Variants in ATP1A3 observed in about 807,000 individuals in gnomAD.
The protein encoded by ATP1A3 is sodium/potassium-transporting ATPase subunit alpha-3.
A neutral mutation model predicts 108.8 loss-of-function variants in ATP1A3; 12 were observed. That is an observed-to-expected ratio of 0.11 (90% CI 0.07 to 0.18). ATP1A3 has a LOEUF of 0.18. ATP1A3 is among the 10% of genes least tolerant of loss of function. The probability of loss-of-function intolerance (pLI) is 1.00; values close to 1 mark genes in which losing one functional copy is unlikely to be tolerated. For missense variants in ATP1A3, 498 were observed against 1,387.7 expected (o/e 0.36, Z 10.19); for synonymous variants, 539 against 564.5 (o/e 0.95, Z 0.64).
rs782701335 is a variant in ATP1A3 at position 41,975,741 on chromosome 19, C to G, written c.2151G>C (p.Lys717Asn). The G allele has an allele frequency of 6.2e-7, 1 of 1,614,092 alleles. No individual in the cohort carries two copies. Among genetic ancestry groups the G allele is most frequent in the Admixed American group, 1.7e-5 (1 of 60,016 alleles). Reference sequence around the variant, plus strand: ...TGCCCATGGCCACCCCAATGTCGGCCTTCTTCAGAGCGGGGGAGTCGTTCA... The same window carrying G: ...TGCCCATGGCCACCCCAATGTCGGCGTTCTTCAGAGCGGGGGAGTCGTTCA... ...DGVNDSPALKKADIGVAMGIA... is the reference protein window; with the variant it reads ...DGVNDSPALKNADIGVAMGIA... The change falls in exon 16 of 23, where the codon AAG becomes AAC. Residue 717 changes from lysine (K) to asparagine (N), a missense_variant. This residue lies in a region of ATP1A3 where 121 missense variants were observed against 425.1 expected (regional missense o/e 0.28). Transcript: ENST00000648268.
At chr19:41,993,572 C>T (rs2075360810) in intron 1 of ATP1A3, 6 of 1,229,652 alleles carry the variant, frequency 4.9e-6, no homozygotes, top group Admixed American at 2.3e-5. Context: ...CCCATCCAGG[C>T]CTGGAAGGAG....
In ATP1A3 at chr19:41,987,923, T is replaced by G; in HGVS notation, c.357+13A>C. The G allele has an allele frequency of 6.2e-7, 1 of 1,612,620 alleles. No homozygotes were observed. The highest frequency in any genetic ancestry group is 8.5e-7 in the Non-Finnish European group (1 of 1,179,902). ...GTGCAGAGCCTTGCACAGGGCAGGG[T>G]CCAGGCACTCACGTTGTCACCAGAG... On this transcript the variant is annotated intron_variant, in intron 4 of 22. Coordinates refer to ENST00000648268, the MANE Select transcript of ATP1A3 (RefSeq NM_152296.5).
At chr19:41,983,352 A>G (rs2075253819) in intron 8 of ATP1A3, among the ~76,000 whole-genome samples, 1 of 152,086 alleles carries the variant, frequency 6.6e-6, no homozygotes, top group South Asian at 2.1e-4. Flanking sequence ...TGCTGGGATT[A>G]CAGGCGTGAG....
Position 41,982,080 on chromosome 19 carries a change from G to T in ATP1A3, c.1020C>A (p.Arg340=), listed in dbSNP as rs1456279726. 8 of 1,614,088 alleles carry T rather than the reference G, an allele frequency of 5.0e-6. No homozygotes were observed. Among genetic ancestry groups the T allele is most frequent in the Admixed American group, 1.7e-5 (1 of 59,994 alleles). The change falls in exon 9 of 23, where the codon CGC becomes CGA. Residue 340 remains arginine, a synonymous_variant. Transcript: ENST00000648268. Reference sequence around the variant, plus strand: ...TCACCAGGCAGTTCTTCCGGGCCATGCGCTTGGCGGTCAGCGTCAGACACA... The same window carrying T: ...TCACCAGGCAGTTCTTCCGGGCCATTCGCTTGGCGGTCAGCGTCAGACACA... The part of the protein sequence containing the change: ...VTVCLTLTAK[R]MARKNCLVKN...
rs782409824 is a variant in ATP1A3, at chr19:41,978,163, G to A, written c.1794C>T (p.Ser598=). ...AVPDAVGKCR[S]AGIKVIMVTG... is the part of the protein sequence containing the mutation. ...CCCCAAGCCACACCTTGATGCCTGC[G>A]CTGCGACACTTGCCCACCGCGTCAG... is the stretch of plus-strand genomic sequence containing the variant. Residue 598 remains serine, a synonymous_variant, in exon 13 of 23, where the codon AGC becomes AGT. Coordinates refer to ENST00000648268, the MANE Select transcript of ATP1A3 (RefSeq NM_152296.5). The surrounding 1 kb of genome is among the most constrained non-coding windows in gnomAD (Gnocchi z 8.3). 2.4e-5 allele frequency: 39 copies of A among 1,614,076 alleles called. 1 individual carries two copies. Among genetic ancestry groups the A allele is most frequent in the Admixed American group, 8.3e-5 (5 of 60,008 alleles).
chr19:41,993,508 C>T (rs1387207196), intron 1 of ATP1A3: 3 of 215,252 alleles, frequency 1.4e-5, no homozygotes, highest in African/African-American at 7.8e-5. Context: ...CCTGCACACA[C>T]ACACACACAC....
rs4060828 is a variant in ATP1A3, at chr19:41,993,501, G to GCA, written c.6+568_6+569dup. 7.3e-3 allele frequency: 4,930 copies of GCA among 677,594 alleles called. 21 individuals carry two copies. Among genetic ancestry groups the GCA allele is most frequent in the African/African-American group, 0.011 (498 of 45,254 alleles). 42.0% of individuals were successfully genotyped at this position (677,594 alleles called of 1,614,324 possible). ...CCCAGGCTGCGACACTGCGGAGCCT[G>GCA]CACACACACACACACACACACACAC... is the stretch of plus-strand genomic sequence containing the variant. On this transcript the variant is annotated intron_variant, in intron 1 of 22. Coordinates refer to ENST00000648268, the MANE Select transcript of ATP1A3 (RefSeq NM_152296.5).
chr19:41,992,662 G>A (rs1247837212), intron 1 of ATP1A3, among the ~76,000 whole-genome samples: 1 of 151,552 alleles, frequency 6.6e-6, no homozygotes, highest in African/African-American at 2.4e-5. Flanking sequence ...CTCTCTCAAT[G>A]TCTCTCCATG....
chr19:41,985,793 G>A lies in ATP1A3; in HGVS notation c.606+71C>T. The A allele has an allele frequency of 6.3e-7, 1 of 1,597,188 alleles. No individual in the cohort carries two copies. The highest frequency in any genetic ancestry group is 2.2e-5 in the East Asian group (1 of 44,732). On this transcript the variant is annotated intron_variant, in intron 6 of 22. Transcript: ENST00000648268. The surrounding 1 kb of genome is among the most constrained non-coding windows in gnomAD (Gnocchi z 8.2). ...GGGACCTGGACTCCTGAGTGTGAGG[G>A]AGGAGGGGCTGGGCCTGAGCTCCTG... is the stretch of plus-strand genomic sequence containing the variant.
chr19:41,982,220 T>C (rs1450219317), intron 8 of ATP1A3, 114 bp from the exon 9 acceptor site: 1 of 1,557,920 alleles, frequency 6.4e-7, no homozygotes, highest in East Asian at 2.2e-5. Flanking sequence ...CCTGAGGGCC[T>C]GGAAAAGAAT....
rs539288330 is a variant in ATP1A3 at position 41,981,245 on chromosome 19, C to G, written c.1437+257G>C. The stretch of plus-strand genomic sequence containing the variant: ...AACTCCTGGCCTCAAGTGATCCCCC[C>G]ACCTCAGCCTCCCAAAGTTCTGGTG... On this transcript the variant is annotated intron_variant, in intron 11 of 22. Transcript: ENST00000648268. The surrounding 1 kb of genome is among the most constrained non-coding windows in gnomAD (Gnocchi z 5.0). Among the ~76,000 whole-genome samples, 3 of 151,972 alleles carry G rather than the reference C, an allele frequency of 2.0e-5. No homozygotes were observed. Among genetic ancestry groups the G allele is most frequent in the Non-Finnish European group, 4.4e-5 (3 of 68,016 alleles).
At chr19:41,991,291 C>T (rs1412352795) in intron 1 of ATP1A3, among the ~76,000 whole-genome samples, 3 of 137,998 alleles carry the variant, frequency 2.2e-5, no homozygotes, top group Non-Finnish European at 3.1e-5. Flanking sequence ...GAGGCTGAGT[C>T]GGAGGGTGGG....
Position 41,986,242 on chromosome 19 carries a change from G to T in ATP1A3, c.358-13C>A, listed in dbSNP as rs782369505. 17 of 1,613,324 alleles carry T rather than the reference G, an allele frequency of 1.1e-5. No individual in the cohort carries two copies. The highest frequency in any genetic ancestry group is 1.2e-5 in the Non-Finnish European group (14 of 1,179,776). On this transcript the variant is annotated splice_polypyrimidine_tract_variant and intron_variant, in intron 4 of 22. Transcript: ENST00000648268. The stretch of plus-strand genomic sequence containing the variant: ...TGCCCAGGTACAGCTGTGGGGAGAT[G>T]TGGGGATGTTGATCAGGGGCCGCCC...
intron 16 of ATP1A3, 106 bp from the exon 17 acceptor site, chr19:41,970,648 T>G: frequency 1.7e-6 from 2 of 1,173,934 alleles, no homozygotes; most frequent in Non-Finnish European, 1.2e-6. Flanking sequence ...TTTTTTTTTT[T>G]TGAGACAGAG....
chr19:41,967,295 G>C lies in ATP1A3; in HGVS notation c.2967C>G (p.Phe989Leu). The C allele has an allele frequency of 6.2e-7, 1 of 1,613,020 alleles. No homozygotes were observed. Among genetic ancestry groups the C allele is most frequent in the East Asian group, 2.2e-5 (1 of 44,884 alleles). The change falls in exon 22 of 23, where the codon TTC (phenylalanine) becomes TTG (leucine). Residue 989 changes from phenylalanine (F) to leucine (L), a missense_variant. By Grantham distance (22) the Phe-to-Leu change is conservative (BLOSUM62 0). Around this residue, in one of 9 missense-constraint regions of ATP1A3, gnomAD observed 29 missense variants for 41.0 expected, o/e 0.71. Coordinates refer to ENST00000648268, the MANE Select transcript of ATP1A3 (RefSeq NM_152296.5). This position sits in a 1 kb window ranked among gnomAD's most constrained non-coding sequence, Gnocchi z 4.2. The part of the protein sequence containing the change: ...FCAFPYSFLI[F>L]VYDEIRKLIL... ...TGAGTTTGCGGATTTCGTCGTAGACGAAGATGAGGAAACTGTAGGGGAAGG... is the reference window on the plus strand; with the variant it reads ...TGAGTTTGCGGATTTCGTCGTAGACCAAGATGAGGAAACTGTAGGGGAAGG...
rs374762177 is a variant in ATP1A3, at chr19:41,985,841, C to T, written c.606+23G>A. The T allele has an allele frequency of 7.4e-6, 12 of 1,612,950 alleles. No individual in the cohort carries two copies. The highest frequency in any genetic ancestry group is 7.6e-6 in the Non-Finnish European group (9 of 1,179,884). ...CTGGGCAGCCCGAGGGAGGGTAAAG[C>T]CGGGCCCTAGGCCCAGGCCCACCTT... On this transcript the variant is annotated intron_variant, in intron 6 of 22. Transcript: ENST00000648268. The surrounding 1 kb of genome is among the most constrained non-coding windows in gnomAD (Gnocchi z 8.2).
In ATP1A3 at chr19:41,987,820, T is replaced by C. The variant is rs1371124665; in HGVS notation, c.357+116A>G. ...TCTTGCTGGGTGATTGTGAGTTAGA[T>C]GGGAAAAAGGGGGAGAGTGGGCTGT... On this transcript the variant is annotated intron_variant, in intron 4 of 22. Transcript: ENST00000648268. The C allele has an allele frequency of 3.0e-6, 4 of 1,324,048 alleles. No individual in the cohort carries two copies. In the East Asian group the frequency reaches 9.3e-5, roughly 31 times the overall value. The allele number at this position is 1,324,048 out of a possible 1,614,324, so 82.0% of individuals were successfully genotyped here.
chr19:41,978,483 T>TC lies in ATP1A3; in HGVS notation c.1630+122dup. On this transcript the variant is annotated intron_variant, in intron 12 of 22. Transcript: ENST00000648268. The surrounding 1 kb of genome is among the most constrained non-coding windows in gnomAD (Gnocchi z 8.3). ...ATACCTTCCCCTCTCATCCATCCAT[T>TC]CATTCATTCATTCATTCATTTACAG... 7.0e-7 allele frequency: 1 copy of TC among 1,423,076 alleles called. No homozygotes were observed. The highest frequency in any genetic ancestry group is 9.7e-7 in the Non-Finnish European group (1 of 1,028,890). The allele number at this position is 1,423,076 out of a possible 1,614,324, so 88.2% of individuals were successfully genotyped here. A position where few individuals can be genotyped will look rare whatever the true frequency, so the allele number is the denominator to read the frequency against.
Position 41,990,675 on chromosome 19 carries a change from C to CAT in ATP1A3, c.7-2115_7-2114dup, listed in dbSNP as rs5828137. Among the ~76,000 whole-genome samples the CAT allele has an allele frequency of 3.6e-3, 521 of 145,158 alleles. 3 individuals carry two copies. The highest frequency in any genetic ancestry group is 6.3e-3 in the African/African-American group (246 of 39,248). ...CTCTCTCTTTCTCTCTCTCTCTGTC[C>CAT]ATATATATATATATATATATCTGTC... On this transcript the variant is annotated intron_variant, in intron 1 of 22. Coordinates refer to ENST00000648268, the MANE Select transcript of ATP1A3 (RefSeq NM_152296.5).
Sources: allele counts gnomAD v4.1 joint callset (sites outside exome capture counted in the v4.1 genomes callset), GRCh38; gene constraint gnomAD v4.1.1; regional missense constraint gnomAD v4.1.1; non-coding constraint Gnocchi (gnomAD v3.1); transcripts MANE v1.5; gene names NCBI Gene and HGNC (gene_info 2026-07-23, HGNC 2026-07-21).